The following MNAT1 variants were observed in gnomAD, a reference collection of about 807,000 sequenced individuals.
MNAT1 encodes the protein MNAT1 component of CDK activating kinase.
Under a neutral mutation model 42.0 loss-of-function variants are expected in MNAT1, and 43 were observed. The observed-to-expected ratio is 1.02, with a 90% CI of 0.80 to 1.32. The LOEUF is 1.32. Among genes scored for constraint, MNAT1 ranks in the 40% most tolerant of loss-of-function variants. The pLI is 0.00. For synonymous variants in MNAT1, 118 were observed against 120.0 expected, an observed-to-expected ratio of 0.98 and a Z score of 0.11; for missense variants, 306 against 350.4, an observed-to-expected ratio of 0.87 and a Z score of 1.01.
chr14:60,773,445 A>G (rs867396908), intron 1 of MNAT1, among the ~76,000 whole-genome samples: 22 of 152,094 alleles, frequency 1.4e-4, no homozygotes, highest in Admixed American at 7.2e-4. Context: ...ATATTTGGGG[A>G]GACAGATATT....
intron 7 of MNAT1, among the ~76,000 whole-genome samples, chr14:60,935,816 G>C (rs929454242): frequency 1.1e-4 from 16 of 152,116 alleles, no homozygotes; most frequent in African/African-American, 3.9e-4. Flanking sequence ...GAAATTCCCT[G>C]TAGATAAGGA....
chr14:60,879,862 G>A (rs1386831165), intron 7 of MNAT1, 27 bp downstream of exon 7: 1 of 1,603,686 alleles, frequency 6.2e-7, no homozygotes. Context: ...ACTTTACATT[G>A]AGGAGCTGAT....
At chr14:60,826,763 C>A (rs983614321) in intron 6 of MNAT1, among the ~76,000 whole-genome samples, 11 of 152,206 alleles carry the variant, frequency 7.2e-5, no homozygotes, top group Admixed American at 5.9e-4. Context: ...AATTATGCAG[C>A]CTTCTATTTC....
At chr14:60,839,935 A>G (rs1228442104) in intron 6 of MNAT1, among the ~76,000 whole-genome samples, 1 of 152,214 alleles carries the variant, frequency 6.6e-6, no homozygotes, top group Non-Finnish European at 1.5e-5. Flanking sequence ...GGCTGATGGC[A>G]TGAGCCGTGC....
chr14:60,794,569 T>G (rs1594758278), intron 1 of MNAT1, among the ~76,000 whole-genome samples: 1 of 143,260 alleles, frequency 7.0e-6, no homozygotes, highest in Non-Finnish European at 1.5e-5. Flanking sequence ...AGGAGCCTGA[T>G]GTAGGACGAT....
rs565789296 is a variant in MNAT1 at position 60,765,841 on chromosome 14, G to C, written c.90-30376G>C. On this transcript the variant is annotated intron_variant, in intron 1 of 7. Coordinates refer to ENST00000261245, the MANE Select transcript of MNAT1 (RefSeq NM_002431.4). ...ATGGTTGTGACTCTAGCAGAGGTTG[G>C]ATATATTCTTTATTAAAGTGTAGAA... 2.0e-5 allele frequency among the ~76,000 whole-genome samples: 3 copies of C among 152,158 alleles called. No individual in the cohort carries two copies. In the South Asian group the frequency reaches 6.2e-4, roughly 32 times the overall value.
chr14:60,840,466 A>G (rs1191513003), intron 6 of MNAT1, among the ~76,000 whole-genome samples: 1 of 152,198 alleles, frequency 6.6e-6, no homozygotes, highest in African/African-American at 2.4e-5. Context: ...AGGGAACTAC[A>G]TTAGTATTCC....
chr14:60,902,958 T>G (rs1442865267), intron 7 of MNAT1, among the ~76,000 whole-genome samples: 1 of 151,986 alleles, frequency 6.6e-6, no homozygotes, highest in Non-Finnish European at 1.5e-5. Flanking sequence ...AAAAAAAATT[T>G]TTTTTCTTTT....
chr14:60,851,434 T>C (rs1365850920), intron 6 of MNAT1, among the ~76,000 whole-genome samples: 1 of 2,366 alleles, frequency 4.2e-4, no homozygotes, highest in African/African-American at 6.2e-4. Context: ...ATGGGGCAAG[T>C]TTATCAGCCA....
At chr14:60,867,936 A>C (rs1323840319) in intron 6 of MNAT1, among the ~76,000 whole-genome samples, 3 of 152,130 alleles carry the variant, frequency 2.0e-5, no homozygotes, top group Non-Finnish European at 4.4e-5. Context: ...AAAATGAATT[A>C]TACTTGCCAT....
intron 6 of MNAT1, among the ~76,000 whole-genome samples, chr14:60,846,107 C>T (rs2033675495): frequency 6.6e-6 from 1 of 151,812 alleles, no homozygotes; most frequent in African/African-American, 2.4e-5. Context: ...TTTCCTTCCT[C>T]TCTTTTCCCT....
intron 7 of MNAT1, among the ~76,000 whole-genome samples, chr14:60,951,436 G>A (rs969997546): frequency 3.3e-5 from 5 of 150,638 alleles, no homozygotes; most frequent in Admixed American, 6.6e-5. Flanking sequence ...TTTTTTTGTC[G>A]GGGGAGAGCT....
At chr14:60,917,742 C>G (rs2035556808) in intron 7 of MNAT1, among the ~76,000 whole-genome samples, 1 of 151,766 alleles carries the variant, frequency 6.6e-6, no homozygotes, top group Non-Finnish European at 1.5e-5. Context: ...TCTGCCTCAG[C>G]CTTCCAAGTA....
rs1040570659 is a variant in MNAT1 at position 60,968,305 on chromosome 14, G to A, written c.886G>A (p.Ala296Thr). Residue 296 changes from alanine to threonine, a missense_variant, in exon 8 of 8, where the codon GCA (alanine) becomes ACA (threonine). Ala to Thr is a moderately conservative substitution (Grantham distance 58, BLOSUM62 0). Coordinates refer to ENST00000261245, the MANE Select transcript of MNAT1 (RefSeq NM_002431.4). Reference sequence around the variant, plus strand: ...TACTTCTTCTCTTGCTTGTCACAGAGCACTACAGGATGCATTCAGTGGGCT... The same window carrying A: ...TACTTCTTCTCTTGCTTGTCACAGAACACTACAGGATGCATTCAGTGGGCT... ...GYTSSLACHR[A>T]LQDAFSGLFW... is the part of the protein sequence containing the mutation. The A allele has an allele frequency of 1.2e-6, 2 of 1,613,966 alleles. No individual in the cohort carries two copies. Among genetic ancestry groups the A allele is most frequent in the Non-Finnish European group, 8.5e-7 (1 of 1,179,910 alleles).
intron 2 of MNAT1, among the ~76,000 whole-genome samples, chr14:60,796,570 G>A (rs555345413): frequency 6.6e-6 from 1 of 152,156 alleles, no homozygotes; most frequent in African/African-American, 2.4e-5. Context: ...TTATTCATTT[G>A]TATTTATTCT....
At chr14:60,792,509 A>G (rs2031860615) in intron 1 of MNAT1, among the ~76,000 whole-genome samples, 1 of 152,174 alleles carries the variant, frequency 6.6e-6, no homozygotes, top group African/African-American at 2.4e-5. Flanking sequence ...TTAGCTTTCA[A>G]GACCATAGGT....
At chr14:60,897,421 C>CAAG (rs2034979689) in intron 7 of MNAT1, among the ~76,000 whole-genome samples, 1 of 152,066 alleles carries the variant, frequency 6.6e-6, no homozygotes, top group East Asian at 1.9e-4. Context: ...AGAATGACTT[C>CAAG]TCTAATATGA....
At chr14:60,828,894 G>C (rs776602946) in intron 6 of MNAT1, among the ~76,000 whole-genome samples, 23 of 152,090 alleles carry the variant, frequency 1.5e-4, no homozygotes, top group Non-Finnish European at 3.1e-4. Context: ...AGATGGAAAA[G>C]ATGCATAGGG....
At chr14:60,926,809 G>C (rs1435195741) in intron 7 of MNAT1, among the ~76,000 whole-genome samples, 2 of 152,104 alleles carry the variant, frequency 1.3e-5, no homozygotes, top group African/African-American at 2.4e-5. Flanking sequence ...CTTCCCTAGA[G>C]GTCAGAGGGT....
Sources: gnomAD v4.1 joint callset for allele counts (sites outside exome capture counted in the v4.1 genomes callset) on GRCh38, gnomAD v4.1.1 for gene constraint, MANE v1.5 for transcripts, NCBI Gene and HGNC (gene_info 2026-07-23, HGNC 2026-07-21) for gene names.